CALN1: variants seen among roughly 807,000 people sequenced by gnomAD.
CALN1 encodes the protein calneuron 1, also known as calcium-binding protein 8.
Under a neutral mutation model 30.6 loss-of-function variants are expected in CALN1, and 17 were observed. The ratio of observed to expected loss-of-function variants is 0.56; its 90% CI spans 0.38 to 0.83. The LOEUF (loss-of-function observed/expected upper bound fraction) is 0.83, where lower values mean the gene tolerates loss of function less well. Among genes scored for constraint, CALN1 ranks in the 40% least tolerant of loss-of-function variants. CALN1 has a pLI of 0.00. For synonymous variants in CALN1, 156 were observed against 131.4 expected (o/e 1.19, Z -1.28); for missense variants, 291 against 354.9 (o/e 0.82, Z 1.45).
intron 3 of CALN1, among the ~76,000 whole-genome samples, chr7:72,157,744 T>A (rs2129544621): frequency 6.6e-6 from 1 of 152,136 alleles, no homozygotes; most frequent in Middle Eastern, 3.4e-3. Context: ...TTAGTTTGTT[T>A]GTTTGTTTGT....
intron 5 of CALN1, among the ~76,000 whole-genome samples, chr7:71,879,281 G>A (rs746188725): frequency 6.6e-6 from 1 of 152,180 alleles, no homozygotes; most frequent in Non-Finnish European, 1.5e-5. Context: ...TGTCCTCTGA[G>A]TAGGGAACTC....
rs1342679498 is a variant in CALN1, at chr7:72,145,416, A to G, written c.245-39122T>C. On this transcript the variant is annotated intron_variant, in intron 3 of 6. Coordinates refer to ENST00000395275, the MANE Select transcript of CALN1 (RefSeq NM_031468.4). ...GACACATACACTCTCCCAAGACTAA[A>G]CCAGGAAGAAGTTGAATCTCTGAAT... Among the ~76,000 whole-genome samples, 3 of 152,200 alleles carry G rather than the reference A, an allele frequency of 2.0e-5. No individual in the cohort carries two copies. In the East Asian group the frequency reaches 5.8e-4, roughly 29 times the overall value.
At chr7:72,454,144 G>GT in the CALN1 span, among the ~76,000 whole-genome samples, 1 of 152,170 alleles carries the variant, frequency 6.6e-6, no homozygotes, top group African/African-American at 2.4e-5. Context: ...CTTGGTTAGT[G>GT]TAGGTTGTTA....
intron 5 of CALN1, among the ~76,000 whole-genome samples, chr7:72,020,215 T>C (rs952019748): frequency 1.3e-5 from 2 of 152,164 alleles, no homozygotes; most frequent in Non-Finnish European, 2.9e-5. Context: ...CATAACACCA[T>C]GCCCAGCTAA....
intron 5 of CALN1, among the ~76,000 whole-genome samples, chr7:71,956,289 G>A (rs987850771): frequency 2.7e-5 from 4 of 150,166 alleles, no homozygotes; most frequent in East Asian, 2.0e-4. Context: ...TGCCCAGCCC[G>A]TTCTAGAATT....
intron 2 of CALN1, among the ~76,000 whole-genome samples, chr7:72,363,164 C>T (rs71551259): frequency 6.6e-6 from 1 of 152,240 alleles, no homozygotes; most frequent in Non-Finnish European, 1.5e-5. Context: ...TGCTGATCCT[C>T]TCCCTCCTCC....
chr7:72,371,308 A>T (rs1804230588), intron 2 of CALN1, among the ~76,000 whole-genome samples: 1 of 152,144 alleles, frequency 6.6e-6, no homozygotes, highest in Non-Finnish European at 1.5e-5. Context: ...TGATATGGTC[A>T]GGCTGTGTCC....
intron 2 of CALN1, chr7:72,336,869 C>G (rs906351424): frequency 6.7e-5 from 66 of 984,944 alleles, no homozygotes; most frequent in Non-Finnish European, 7.8e-5. Flanking sequence ...CGTCCCCGTG[C>G]CGGCATCCTC....
rs141492574 is a variant in CALN1, at chr7:71,808,738, A to C, written c.658+1598T>G. On this transcript the variant is annotated intron_variant, in intron 6 of 6. Coordinates refer to ENST00000395275, the MANE Select transcript of CALN1 (RefSeq NM_031468.4). The stretch of plus-strand genomic sequence containing the variant: ...TGTTGTGGAAAATGAGATGATACCC[A>C]AAAATACCCTTCTCCACCCATCTCA... 2.1e-3 allele frequency among the ~76,000 whole-genome samples: 316 copies of C among 152,234 alleles called. 2 individuals carry two copies. In the Middle Eastern group the frequency reaches 0.031, roughly 15 times the overall value.
intron 5 of CALN1, among the ~76,000 whole-genome samples, chr7:71,909,494 C>G (rs1794314891): frequency 6.6e-6 from 1 of 151,634 alleles, no homozygotes; most frequent in South Asian, 2.1e-4. Context: ...ACATGGATTC[C>G]AATGGATTGG....
chr7:72,022,269 T>C (rs906134183), intron 5 of CALN1, among the ~76,000 whole-genome samples: 3 of 152,386 alleles, frequency 2.0e-5, no homozygotes, highest in Admixed American at 6.5e-5. Context: ...GTGTACAGCA[T>C]GCACAGAGTG....
intron 1 of CALN1, among the ~76,000 whole-genome samples, chr7:72,434,018 C>T (rs1808060546): frequency 6.6e-6 from 1 of 151,786 alleles, no homozygotes; most frequent in African/African-American, 2.4e-5. Context: ...TATGATCATG[C>T]CACTGCTCTC....
At chr7:71,896,669 C>G (rs527373231) in intron 5 of CALN1, among the ~76,000 whole-genome samples, 30 of 152,284 alleles carry the variant, frequency 2.0e-4, no homozygotes, top group Admixed American at 5.9e-4. Flanking sequence ...CTTTGAGAAA[C>G]TCTCAGTGTG....
At position 71,781,648 on chromosome 7, in the gene CALN1, C is replaced by A. The variant is rs927852567; in HGVS notation, c.*6127G>T. On this transcript the variant is annotated 3_prime_UTR_variant, in exon 7 of 7. Coordinates refer to ENST00000395275, the MANE Select transcript of CALN1 (RefSeq NM_031468.4). ...CCCTGGAATATTCCTTCCTAATTAGCCTGCTCTTCTATCCCACTGGAAAAT... is the reference window on the plus strand; with the variant it reads ...CCCTGGAATATTCCTTCCTAATTAGACTGCTCTTCTATCCCACTGGAAAAT... The A allele has an allele frequency of 6.6e-6, 1 of 152,230 alleles. No homozygotes were observed. Among genetic ancestry groups the A allele is most frequent in the African/African-American group, 2.4e-5 (1 of 41,462 alleles). The allele number at this position is 152,230 out of a possible 1,614,324, so 9.4% of individuals were successfully genotyped here. A position where few individuals can be genotyped will look rare whatever the true frequency, so the allele number is the denominator to read the frequency against.
intron 5 of CALN1, among the ~76,000 whole-genome samples, chr7:71,827,783 T>TAAAA (rs774027662): frequency 2.6e-4 from 38 of 145,764 alleles, no homozygotes; most frequent in Admixed American, 2.3e-3. Context: ...AAAAAATAAA[T>TAAAA]AAATAAATAA....
At chr7:71,793,498 T>A in intron 6 of CALN1, among the ~76,000 whole-genome samples, 1 of 152,192 alleles carries the variant, frequency 6.6e-6, no homozygotes. Context: ...AAAATGTGGA[T>A]CATGATTCTC....
chr7:72,138,405 G>T (rs1809654180), intron 3 of CALN1, among the ~76,000 whole-genome samples: 1 of 152,152 alleles, frequency 6.6e-6, no homozygotes, highest in Non-Finnish European at 1.5e-5. Flanking sequence ...TTCTCTCCAT[G>T]CTGGGGAGCA....
intron 1 of CALN1, among the ~76,000 whole-genome samples, chr7:72,405,087 G>A (rs987480083): frequency 6.6e-6 from 1 of 152,182 alleles, no homozygotes; most frequent in African/African-American, 2.4e-5. Context: ...GTGGGATGGA[G>A]TTAAGCCCTC....
At chr7:72,321,181 ACTGT>A (rs35381091) in intron 2 of CALN1, among the ~76,000 whole-genome samples, 53,740 of 151,672 alleles carry the variant, frequency 0.35, 10,346 homozygotes, top group Middle Eastern at 0.52. Flanking sequence ...CTGAAAAAGC[ACTGT>A]CTATTTGAGT....
Sources: allele counts gnomAD v4.1 joint callset (sites outside exome capture counted in the v4.1 genomes callset), GRCh38; gene constraint gnomAD v4.1.1; transcripts MANE v1.5; gene names NCBI Gene and HGNC (gene_info 2026-07-23, HGNC 2026-07-21).